The following MGAT5 variants were observed in gnomAD, a reference collection of about 807,000 sequenced individuals.
MGAT5 encodes the protein alpha-1,6-mannosylglycoprotein 6-beta-N-acetylglucosaminyltransferase A.
Under a neutral mutation model 94.3 loss-of-function variants are expected in MGAT5, and 30 were observed. The observed-to-expected ratio is 0.32, with a 90% CI of 0.24 to 0.43. MGAT5 has a LOEUF of 0.43. MGAT5 is among the 20% of genes least tolerant of loss of function. The pLI is 1.00. For missense variants in MGAT5, 691 were observed against 905.5 expected (o/e 0.76, Z 3.04); for synonymous variants, 310 against 322.9 (o/e 0.96, Z 0.43).
rs994573091 is a variant in MGAT5 at position 134,255,480 on chromosome 2, TATATAC to T, written c.241+842_241+847del. ...AAATATATATATACATATATATACA[TATATAC>T]ATATATATACACATATATACACATA... is the stretch of plus-strand genomic sequence containing the variant. On this transcript the variant is annotated intron_variant, in intron 1 of 15. Transcript: ENST00000281923. Among the ~76,000 whole-genome samples, 16 of 144,556 alleles carry T rather than the reference TATATAC, an allele frequency of 1.1e-4. 1 individual carries two copies. The highest frequency in any genetic ancestry group is 3.7e-4 in the African/African-American group (15 of 40,656). The allele number at this position is 144,556 out of a possible 152,430, so 94.8% of individuals were successfully genotyped here. A position where few individuals can be genotyped will look rare whatever the true frequency, so the allele number is the denominator to read the frequency against.
At chr2:134,375,728 C>G (rs1336659893) in intron 10 of MGAT5, among the ~76,000 whole-genome samples, 1 of 152,184 alleles carries the variant, frequency 6.6e-6, no homozygotes, top group Admixed American at 6.5e-5. Context: ...GAGCATATCT[C>G]TTGAGCCCAA....
At chr2:134,156,184 T>A (rs1160394546) in intron 1 of MGAT5, among the ~76,000 whole-genome samples, 2 of 152,198 alleles carry the variant, frequency 1.3e-5, no homozygotes, top group East Asian at 3.9e-4. Flanking sequence ...GCCGCCGGTC[T>A]GTGCATGAGA....
intron 9 of MGAT5, among the ~76,000 whole-genome samples, chr2:134,359,276 G>T (rs1427180110): frequency 6.6e-6 from 1 of 152,124 alleles, no homozygotes; most frequent in African/African-American, 2.4e-5. Flanking sequence ...CTGTTCACAG[G>T]GTCCAGAAAA....
At chr2:134,323,754 C>T (rs886509190) in intron 4 of MGAT5, among the ~76,000 whole-genome samples, 1 of 152,068 alleles carries the variant, frequency 6.6e-6, no homozygotes, top group African/African-American at 2.4e-5. Context: ...TTTCGATACC[C>T]TACGCCTCCA....
intron 1 of MGAT5, among the ~76,000 whole-genome samples, chr2:134,267,867 C>T (rs1434194132): frequency 6.6e-6 from 1 of 152,220 alleles, no homozygotes. Flanking sequence ...CAGGTTCATT[C>T]AGTAGGCATT....
chr2:134,429,835 C>A (rs1684789494), intron 14 of MGAT5, among the ~76,000 whole-genome samples: 2 of 152,222 alleles, frequency 1.3e-5, no homozygotes, highest in Non-Finnish European at 2.9e-5. Flanking sequence ...ATGTGCCAGA[C>A]ACATCATAAT....
At chr2:134,134,828 A>G (rs1490104306) in intron 1 of MGAT5, among the ~76,000 whole-genome samples, 1 of 152,264 alleles carries the variant, frequency 6.6e-6, no homozygotes, top group Non-Finnish European at 1.5e-5. Context: ...TACCCACTAG[A>G]CAATCATGGA....
At chr2:134,319,794 G>A (rs144142412) in intron 4 of MGAT5, 4 of 403,288 alleles carry the variant, frequency 9.9e-6, no homozygotes, top group African/African-American at 6.3e-5. Context: ...AGTACATTGG[G>A]TGCATTCTGG....
chr2:134,192,461 T>G (rs1679273421), intron 1 of MGAT5, among the ~76,000 whole-genome samples: 1 of 152,162 alleles, frequency 6.6e-6, no homozygotes, highest in Admixed American at 6.5e-5. Flanking sequence ...GTAGGCATCC[T>G]TATATCTTGC....
intron 11 of MGAT5, among the ~76,000 whole-genome samples, chr2:134,405,449 A>C (rs1408482862): frequency 6.6e-6 from 1 of 152,240 alleles, no homozygotes; most frequent in African/African-American, 2.4e-5. Flanking sequence ...CACACCTGGC[A>C]CACAGCTACA....
In MGAT5 at chr2:134,393,473, C is replaced by T. The variant is rs758857336; in HGVS notation, c.1381-9515C>T. ...TTTTGAAGCAGTGCTGTTTACCCTG[C>T]GTATAATTATTATAACAATGAGAGC... On this transcript the variant is annotated intron_variant, in intron 10 of 15. Coordinates refer to ENST00000281923, the MANE Select transcript of MGAT5 (RefSeq NM_002410.5). Among the ~76,000 whole-genome samples, 4 of 152,192 alleles carry T rather than the reference C, an allele frequency of 2.6e-5. No homozygotes were observed. The East Asian group carries it at 5.8e-4, about 22-fold the overall frequency.
At chr2:134,413,123 A>T in intron 12 of MGAT5, 108 bp downstream of exon 12, 29 of 1,209,872 alleles carry the variant, frequency 2.4e-5, no homozygotes, top group Non-Finnish European at 3.0e-5. Context: ...TGGGAGGGTG[A>T]GGGTATAGAG....
chr2:134,293,097 G>C (rs1398521113), intron 2 of MGAT5, among the ~76,000 whole-genome samples: 1 of 152,200 alleles, frequency 6.6e-6, no homozygotes, highest in African/African-American at 2.4e-5. Context: ...ATGAAAGGTA[G>C]CCTATTCTCA....
intron 1 of MGAT5, among the ~76,000 whole-genome samples, chr2:134,176,985 T>A (rs35619262): frequency 1.2e-3 from 183 of 152,324 alleles, no homozygotes; most frequent in Middle Eastern, 6.8e-3. Flanking sequence ...GGTGCTTGTT[T>A]CTGAGCCTTT....
chr2:134,311,590 C>T (rs184774605), intron 2 of MGAT5, among the ~76,000 whole-genome samples: 16 of 152,298 alleles, frequency 1.1e-4, no homozygotes, highest in Middle Eastern at 3.4e-3. Flanking sequence ...TTATCATCCT[C>T]GCCTAGGAAC....
At chr2:134,370,563 A>G (rs985689114) in intron 10 of MGAT5, among the ~76,000 whole-genome samples, 4 of 152,246 alleles carry the variant, frequency 2.6e-5, no homozygotes, top group African/African-American at 9.6e-5. Flanking sequence ...TCTTTTCATG[A>G]TCCCTTGGAG....
intron 10 of MGAT5, among the ~76,000 whole-genome samples, chr2:134,368,517 A>G (rs1680576290): frequency 6.6e-6 from 1 of 152,190 alleles, no homozygotes; most frequent in East Asian, 1.9e-4. Flanking sequence ...GAAATGACAC[A>G]TGATCCCTTT....
At chr2:134,283,271 A>T (rs1684811296) in intron 2 of MGAT5, among the ~76,000 whole-genome samples, 1 of 149,558 alleles carries the variant, frequency 6.7e-6, no homozygotes, top group Admixed American at 6.7e-5. Context: ...GGGCCACATG[A>T]GAAAGTGTCT....
rs1685957907 is a variant in MGAT5, at chr2:134,449,081, C to G, written c.*234C>G. On this transcript the variant is annotated 3_prime_UTR_variant, in exon 16 of 16. Transcript: ENST00000281923. ...GGAGCCTGGCTTGTCCCTGGCACAA[C>G]ATCATTTCTGTTTCTCAAGGAGCAA... 1.8e-6 allele frequency: 1 copy of G among 558,346 alleles called. No homozygotes were observed. Among genetic ancestry groups the G allele is most frequent in the African/African-American group, 1.9e-5 (1 of 53,186 alleles). 34.6% of individuals were successfully genotyped at this position (558,346 alleles called of 1,614,324 possible). A position where few individuals can be genotyped will look rare whatever the true frequency, so the allele number is the denominator to read the frequency against.
Sources: gnomAD v4.1 joint callset for allele counts (sites outside exome capture counted in the v4.1 genomes callset) on GRCh38, gnomAD v4.1.1 for gene constraint, MANE v1.5 for transcripts, NCBI Gene and HGNC (gene_info 2026-07-23, HGNC 2026-07-21) for gene names.